Variants in PDE11A observed in about 807,000 individuals in gnomAD.
PDE11A encodes the protein dual 3',5'-cyclic-AMP and -GMP phosphodiesterase 11A.
In PDE11A, 100 loss-of-function variants were observed where a neutral mutation model predicts 100.5. That is an observed-to-expected ratio of 1.00 (90% CI 0.85 to 1.18). The LOEUF (loss-of-function observed/expected upper bound fraction) is 1.18. PDE11A is among the 50% of genes most tolerant of loss of function. PDE11A has a pLI of 0.00. For missense variants in PDE11A, 1,141 were observed against 1,152.6 expected (o/e 0.99, Z 0.15); for synonymous variants, 381 against 420.8 (o/e 0.91, Z 1.16).
chr2:177,684,259 G>A (rs1019594039), intron 15 of PDE11A, among the ~76,000 whole-genome samples: 2 of 152,096 alleles, frequency 1.3e-5, no homozygotes, highest in African/African-American at 4.8e-5. Flanking sequence ...AAATAAATAG[G>A]TAATTCCCTC....
intron 2 of PDE11A, among the ~76,000 whole-genome samples, chr2:177,933,642 C>T (rs1235701390): frequency 6.6e-6 from 1 of 152,086 alleles, no homozygotes; most frequent in Non-Finnish European, 1.5e-5. Context: ...GACCACACCA[C>T]TACACTCCAG....
intron 4 of PDE11A, among the ~76,000 whole-genome samples, chr2:177,884,219 C>T (rs1054215572): frequency 6.6e-6 from 1 of 152,210 alleles, no homozygotes; most frequent in Admixed American, 6.5e-5. Context: ...ATCTCCCTAT[C>T]ACTGTTCCAG....
At chr2:177,962,844 GAAAAAAAATCTCA>G (rs1478088437) in intron 2 of PDE11A, among the ~76,000 whole-genome samples, 2 of 151,694 alleles carry the variant, frequency 1.3e-5, no homozygotes, top group Non-Finnish European at 2.9e-5. Flanking sequence ...AAAAGCTAAA[GAAAAAAAATCTCA>G]AAAAAAATCT....
chr2:177,777,931 T>C (rs1239865967), intron 9 of PDE11A, among the ~76,000 whole-genome samples: 1 of 152,232 alleles, frequency 6.6e-6, no homozygotes, highest in Non-Finnish European at 1.5e-5. Context: ...TATTTTTGAC[T>C]CAGTTTTGTT....
intron 2 of PDE11A, among the ~76,000 whole-genome samples, chr2:177,935,910 A>C (rs1195132061): frequency 6.6e-6 from 1 of 152,236 alleles, no homozygotes; most frequent in African/African-American, 2.4e-5. Flanking sequence ...TCAACACAGC[A>C]ACCTGATCAG....
intron 5 of PDE11A, among the ~76,000 whole-genome samples, chr2:177,843,863 A>T (rs184363826): frequency 6.6e-6 from 1 of 152,344 alleles, no homozygotes; most frequent in Non-Finnish European, 1.5e-5. Context: ...AGTCAACTGT[A>T]CCAATCACGA....
At chr2:177,832,328 C>A (rs940153580) in intron 6 of PDE11A, among the ~76,000 whole-genome samples, 6 of 152,154 alleles carry the variant, frequency 3.9e-5, no homozygotes, top group Admixed American at 3.9e-4. Flanking sequence ...ATCAAATCAG[C>A]TGCCAGCACA....
intron 5 of PDE11A, among the ~76,000 whole-genome samples, chr2:177,856,813 T>C (rs1277633488): frequency 1.3e-5 from 2 of 151,890 alleles, no homozygotes; most frequent in African/African-American, 4.8e-5. Context: ...TGGGATACCA[T>C]CAAGCATACA....
chr2:177,946,019 C>CA (rs1180771518), intron 2 of PDE11A, among the ~76,000 whole-genome samples: 5 of 147,590 alleles, frequency 3.4e-5, no homozygotes, highest in Admixed American at 3.3e-4. Context: ...TCAGCCCCCC[C>CA]ACCCGGCCAG....
At chr2:177,705,983 C>T (rs1033999791) in intron 13 of PDE11A, among the ~76,000 whole-genome samples, 3 of 152,268 alleles carry the variant, frequency 2.0e-5, no homozygotes, top group Non-Finnish European at 2.9e-5. Flanking sequence ...GAGTGGGGAA[C>T]GCTGTCCCTA....
intron 5 of PDE11A, among the ~76,000 whole-genome samples, chr2:177,871,052 C>T (rs927511432): frequency 2.6e-5 from 4 of 152,058 alleles, no homozygotes; most frequent in African/African-American, 9.7e-5. Context: ...CCAGGGAACT[C>T]GGAGAAAATA....
intron 2 of PDE11A, among the ~76,000 whole-genome samples, chr2:177,985,185 T>G (rs566036392): frequency 6.6e-6 from 1 of 152,254 alleles, no homozygotes; most frequent in East Asian, 1.9e-4. Context: ...CACTGTGCTG[T>G]GACTATTATC....
intron 6 of PDE11A, among the ~76,000 whole-genome samples, chr2:177,825,938 G>C (rs1022085484): frequency 2.0e-5 from 3 of 151,968 alleles, no homozygotes; most frequent in African/African-American, 7.3e-5. Flanking sequence ...TGTGTGAAAG[G>C]GTTTCAAAAT....
chr2:178,080,685 A>C (rs2087273902), intron 2 of PDE11A, among the ~76,000 whole-genome samples: 1 of 152,126 alleles, frequency 6.6e-6, no homozygotes, highest in South Asian at 2.1e-4. Flanking sequence ...TTATAGGAAA[A>C]ATTTTATAAA....
At chr2:177,828,591 A>G (rs902003444) in intron 6 of PDE11A, among the ~76,000 whole-genome samples, 13 of 152,352 alleles carry the variant, frequency 8.5e-5, no homozygotes, top group Admixed American at 8.5e-4. Flanking sequence ...GTCAGGTAAC[A>G]TTTGGACAAT....
chr2:177,967,914 T>A (rs1464626160), intron 2 of PDE11A, among the ~76,000 whole-genome samples: 1 of 152,204 alleles, frequency 6.6e-6, no homozygotes, highest in Admixed American at 6.5e-5. Context: ...TTTTATTGAA[T>A]AATTGAATAA....
rs550827004 is a variant in PDE11A, at chr2:177,716,653, A to G, written c.2044-4775T>C. Among the ~76,000 whole-genome samples the G allele has an allele frequency of 2.9e-4, 44 of 152,274 alleles. No individual in the cohort carries two copies. In the South Asian group the frequency reaches 9.0e-3, roughly 31 times the overall value. ...TAGGTAAAACTTGAAAAGTCTATCA[A>G]GTATGAAATAATTACCTATGATACT... On this transcript the variant is annotated intron_variant, in intron 12 of 19. Transcript: ENST00000286063.
chr2:178,086,934 A>G (rs532620945), intron 2 of PDE11A, among the ~76,000 whole-genome samples: 20 of 152,232 alleles, frequency 1.3e-4, no homozygotes, highest in Non-Finnish European at 2.5e-4. Flanking sequence ...GTATCTACCC[A>G]AAGGAAAAGA....
rs2087245195 is a variant in PDE11A, at chr2:178,078,660, AAATATCTTGCTGAAG to A, written c.162+25627_162+25641del. Among the ~76,000 whole-genome samples the A allele has an allele frequency of 2.0e-5, 3 of 152,318 alleles. 1 individual carries two copies. In the South Asian group the frequency reaches 6.2e-4, roughly 32 times the overall value. On this transcript the variant is annotated intron_variant, in intron 2 of 20. Transcript: ENST00000358450. Reference sequence around the variant, plus strand: ...TCACCAGAAAAATCAGCAATAATCAAAATATCTTGCTGAAGAATAACTTGTTGATAAAAAAGTTGG... The same window carrying A: ...TCACCAGAAAAATCAGCAATAATCAAAATAACTTGTTGATAAAAAAGTTGG...
Sources: allele counts gnomAD v4.1 joint callset (sites outside exome capture counted in the v4.1 genomes callset), GRCh38; gene constraint gnomAD v4.1.1; transcripts MANE v1.5; gene names NCBI Gene and HGNC (gene_info 2026-07-23, HGNC 2026-07-21).